Variants in DOCK2 observed in about 807,000 individuals in gnomAD.
DOCK2 encodes the protein dedicator of cytokinesis protein 2.
In DOCK2, 87 loss-of-function variants were observed where a neutral mutation model predicts 248.9. That is an observed-to-expected ratio of 0.35 (90% confidence interval 0.29 to 0.42). The LOEUF (loss-of-function observed/expected upper bound fraction) is 0.42, where lower values mean the gene tolerates loss of function less well. Ranked by LOEUF, DOCK2 falls within the 10% of genes least tolerant of loss-of-function variation. The pLI is 1.00. For missense variants in DOCK2, 1,747 were observed against 2,300.2 expected (o/e 0.76, Z 4.92); for synonymous variants, 805 against 821.6 (o/e 0.98, Z 0.35).
At chr5:169,759,538 G>A (rs924170486) in intron 23 of DOCK2, among the ~76,000 whole-genome samples, 167 bp from the exon 24 acceptor site, 2 of 152,182 alleles carry the variant, frequency 1.3e-5, no homozygotes, top group African/African-American at 4.8e-5. Context: ...ATACAAAGAA[G>A]TCCGTGCTTA....
intron 27 of DOCK2, among the ~76,000 whole-genome samples, chr5:169,943,586 A>G (rs1026292518): frequency 2.6e-5 from 4 of 152,114 alleles, no homozygotes; most frequent in African/African-American, 9.7e-5. Flanking sequence ...CTATTTGGTT[A>G]CCCTCACCTC....
At chr5:169,710,508 C>T (rs542397049) in intron 15 of DOCK2, among the ~76,000 whole-genome samples, 41 of 152,330 alleles carry the variant, frequency 2.7e-4, no homozygotes, top group Non-Finnish European at 4.0e-4. Flanking sequence ...ACAAATATTA[C>T]ATTACCAGAT....
intron 25 of DOCK2, among the ~76,000 whole-genome samples, chr5:169,789,667 T>C (rs1048280597): frequency 6.6e-5 from 10 of 152,318 alleles, no homozygotes; most frequent in African/African-American, 2.4e-4. Flanking sequence ...TGGGCCTAAG[T>C]TTATGATACA....
At chr5:169,904,970 G>T (rs1017396903) in intron 27 of DOCK2, among the ~76,000 whole-genome samples, 4 of 152,124 alleles carry the variant, frequency 2.6e-5, no homozygotes, top group African/African-American at 9.7e-5. Context: ...CTAGCTGTGT[G>T]ACCTTGACTA....
At chr5:169,850,943 T>A (rs1369621999) in intron 27 of DOCK2, among the ~76,000 whole-genome samples, 1 of 152,204 alleles carries the variant, frequency 6.6e-6, no homozygotes, top group Non-Finnish European at 1.5e-5. Flanking sequence ...GAAACTCTCG[T>A]CATTCTGCTA....
intron 27 of DOCK2, among the ~76,000 whole-genome samples, chr5:169,869,570 G>A (rs899716699): frequency 2.6e-5 from 4 of 152,068 alleles, no homozygotes; most frequent in African/African-American, 7.3e-5. Context: ...CCTTATAAAT[G>A]GGGAGGGACA....
intron 38 of DOCK2, among the ~76,000 whole-genome samples, chr5:170,043,275 C>G (rs1191593273): frequency 1.3e-5 from 2 of 152,200 alleles, no homozygotes; most frequent in African/African-American, 4.8e-5. Context: ...CAGTGAGATG[C>G]TAATAGTACC....
rs1164631635 is a variant in DOCK2, at chr5:169,677,683, C to T, written c.470+3238C>T. Among the ~76,000 whole-genome samples the T allele has an allele frequency of 3.3e-5, 5 of 152,166 alleles. No individual in the cohort carries two copies. The East Asian group carries it at 9.6e-4, about 29-fold the overall frequency. ...GACTGTCTCTTCAAAGTTTGCAAACCGATGTAACCAGTGAGGTTCTCCTTT... is the reference window on the plus strand; with the variant it reads ...GACTGTCTCTTCAAAGTTTGCAAACTGATGTAACCAGTGAGGTTCTCCTTT... On this transcript the variant is annotated intron_variant, in intron 6 of 51. Coordinates refer to ENST00000520908, the MANE Select transcript of DOCK2 (RefSeq NM_004946.3).
chr5:169,760,061 C>T (rs1764394462), intron 24 of DOCK2, among the ~76,000 whole-genome samples: 1 of 152,136 alleles, frequency 6.6e-6, no homozygotes, highest in Middle Eastern at 3.2e-3. Flanking sequence ...GTTTCCATTT[C>T]ACCTGGGCCT....
At chr5:169,994,715 T>C (rs910591413) in intron 29 of DOCK2, among the ~76,000 whole-genome samples, 18 of 152,046 alleles carry the variant, frequency 1.2e-4, no homozygotes, top group African/African-American at 4.4e-4. Context: ...AAACACAGGG[T>C]ACTAGCAAGA....
chr5:169,670,777 A>G (rs1278540562), intron 4 of DOCK2, among the ~76,000 whole-genome samples, 180 bp downstream of exon 4: 2 of 152,194 alleles, frequency 1.3e-5, no homozygotes, highest in Admixed American at 6.5e-5. Flanking sequence ...AAATTGATTC[A>G]TACTGAGATC....
intron 26 of DOCK2, among the ~76,000 whole-genome samples, chr5:169,811,715 A>G (rs1274371660): frequency 2.0e-5 from 3 of 152,194 alleles, no homozygotes; most frequent in African/African-American, 7.2e-5. Context: ...TCTGGTGCCA[A>G]AGTGGCAAGG....
rs368091249 is a variant in DOCK2 at position 169,815,008 on chromosome 5, C to T, written c.2703+11802C>T. ...CATGACTAAACCAACATTTAGCATG[C>T]CATAACCCAGGACTAGGCTCTGGGG... On this transcript the variant is annotated intron_variant, in intron 26 of 51. Transcript: ENST00000520908. Among the ~76,000 whole-genome samples the T allele has an allele frequency of 3.3e-5, 5 of 152,292 alleles. 1 individual carries two copies. In the South Asian group the frequency reaches 8.3e-4, roughly 25 times the overall value.
intron 27 of DOCK2, among the ~76,000 whole-genome samples, chr5:169,887,266 T>G (rs1434496062): frequency 6.6e-6 from 1 of 152,236 alleles, no homozygotes; most frequent in Non-Finnish European, 1.5e-5. Context: ...TATGTATCCT[T>G]TAGATGTTTT....
intron 15 of DOCK2, among the ~76,000 whole-genome samples, chr5:169,709,825 G>A (rs1561623760): frequency 6.6e-6 from 1 of 152,316 alleles, no homozygotes; most frequent in South Asian, 2.1e-4. Context: ...CTTATGTCAA[G>A]TTCTTAGAGC....
intron 23 of DOCK2, among the ~76,000 whole-genome samples, chr5:169,749,268 G>A (rs1333751790): frequency 6.6e-6 from 1 of 152,188 alleles, no homozygotes; most frequent in East Asian, 1.9e-4. Context: ...CCCTTTCTAT[G>A]TCTCTGAGGT....
chr5:169,887,326 G>A (rs904895575), intron 27 of DOCK2, among the ~76,000 whole-genome samples: 1 of 151,962 alleles, frequency 6.6e-6, no homozygotes, highest in Non-Finnish European at 1.5e-5. Flanking sequence ...GATATTATTT[G>A]TTCATTGTAA....
intron 19 of DOCK2, among the ~76,000 whole-genome samples, chr5:169,715,494 T>C (rs994756848): frequency 2.6e-5 from 4 of 152,094 alleles, no homozygotes; most frequent in African/African-American, 9.7e-5. Flanking sequence ...GCAGAGTAAC[T>C]CCCCAAGACA....
intron 40 of DOCK2, among the ~76,000 whole-genome samples, chr5:170,048,723 A>C (rs1388384407): frequency 6.6e-6 from 1 of 152,172 alleles, no homozygotes; most frequent in Non-Finnish European, 1.5e-5. Flanking sequence ...GGTTCCTGAG[A>C]GGGTCTTGGG....
Sources: allele counts gnomAD v4.1 joint callset (sites outside exome capture counted in the v4.1 genomes callset), GRCh38; gene constraint gnomAD v4.1.1; transcripts MANE v1.5; gene names NCBI Gene and HGNC (gene_info 2026-07-23, HGNC 2026-07-21).